DTNBP1: variants seen among roughly 807,000 people sequenced by gnomAD.
DTNBP1 encodes the protein dystrobrevin binding protein 1.
In DTNBP1, 35 loss-of-function variants were observed where a neutral mutation model predicts 42.8. That is an observed-to-expected ratio of 0.82 (90% confidence interval 0.63 to 1.09). The LOEUF (loss-of-function observed/expected upper bound fraction) is 1.09. Ranked by LOEUF, DTNBP1 falls within the 50% of genes least tolerant of loss-of-function variation. The pLI is 0.00. For synonymous variants in DTNBP1, 171 were observed against 162.2 expected, an observed-to-expected ratio of 1.05 and a Z score of -0.41; for missense variants, 457 against 424.2, an observed-to-expected ratio of 1.08 and a Z score of -0.68.
chr6:15,605,304 T>C (rs934477417), intron 6 of DTNBP1, among the ~76,000 whole-genome samples: 6 of 152,226 alleles, frequency 3.9e-5, no homozygotes, highest in African/African-American at 1.4e-4. Flanking sequence ...TGAGATTCTA[T>C]ACTTCCATTT....
intron 4 of DTNBP1, among the ~76,000 whole-genome samples, chr6:15,636,443 G>C (rs1760027322): frequency 2.0e-5 from 3 of 152,098 alleles, no homozygotes; most frequent in Non-Finnish European, 2.9e-5. Flanking sequence ...GAGCCACCGT[G>C]CCCAGCCAAC....
intron 7 of DTNBP1, among the ~76,000 whole-genome samples, chr6:15,543,018 A>G (rs1474824873): frequency 6.6e-6 from 1 of 152,122 alleles, no homozygotes; most frequent in African/African-American, 2.4e-5. Context: ...TTTATTTAAT[A>G]GGGTATTTTT....
Position 15,629,246 on chromosome 6 carries a change from C to A in DTNBP1, c.223-1771G>T, listed in dbSNP as rs1371092942. 2.6e-5 allele frequency among the ~76,000 whole-genome samples: 4 copies of A among 152,188 alleles called. No homozygotes were observed. In the East Asian group the frequency reaches 7.7e-4, roughly 29 times the overall value. On this transcript the variant is annotated intron_variant, in intron 4 of 9. Transcript: ENST00000344537. ...GATACTGAAGATGTAATGATTCCTG[C>A]CCTCTTATTGTTTATACTTCAGTGG...
chr6:15,630,373 G>A lies in DTNBP1; in HGVS notation c.223-2898C>T, dbSNP rs367758377. On this transcript the variant is annotated intron_variant, in intron 4 of 9. Transcript: ENST00000344537. ...CAGAAACCAGGATTTCCAACACTAC[G>A]TTCAGTTCACTTTCTGACAGTGAAA... Among the ~76,000 whole-genome samples the A allele has an allele frequency of 1.1e-4, 16 of 152,272 alleles. No homozygotes were observed. In the East Asian group the frequency reaches 2.3e-3, roughly 22 times the overall value.
At chr6:15,612,301 C>T (rs1458927552) in intron 6 of DTNBP1, among the ~76,000 whole-genome samples, 1 of 151,992 alleles carries the variant, frequency 6.6e-6, no homozygotes, top group Non-Finnish European at 1.5e-5. Flanking sequence ...AATGCTAGTG[C>T]ACATTTAATA....
intron 7 of DTNBP1, among the ~76,000 whole-genome samples, chr6:15,566,936 C>T (rs1490174007): frequency 3.9e-5 from 6 of 152,122 alleles, no homozygotes; most frequent in Admixed American, 6.5e-5. Flanking sequence ...GGTGATTCGC[C>T]GGCCTCAGCC....
chr6:15,589,441 C>T (rs1368484455), intron 7 of DTNBP1, among the ~76,000 whole-genome samples: 1 of 152,192 alleles, frequency 6.6e-6, no homozygotes, highest in African/African-American at 2.4e-5. Context: ...TCTGGTCAGG[C>T]CTCCCCTCTC....
intron 7 of DTNBP1, among the ~76,000 whole-genome samples, chr6:15,547,480 T>C (rs1773949184): frequency 6.6e-6 from 1 of 152,232 alleles, no homozygotes; most frequent in Non-Finnish European, 1.5e-5. Flanking sequence ...TTTGACCTTG[T>C]ATAAATATTT....
intron 2 of DTNBP1, 154 bp from the exon 3 acceptor site, chr6:15,651,517 CAG>C (rs1326910637): frequency 3.8e-6 from 4 of 1,063,034 alleles, no homozygotes; most frequent in Admixed American, 2.2e-5. Flanking sequence ...TGTTTTATTT[CAG>C]AGTTAATGTA....
intron 1 of DTNBP1, among the ~76,000 whole-genome samples, chr6:15,653,513 A>T (rs2113814494): frequency 6.6e-6 from 1 of 152,342 alleles, no homozygotes; most frequent in African/African-American, 2.4e-5. Flanking sequence ...TGGAAAACAG[A>T]TAAATGGGCT....
chr6:15,537,428 CAAA>C (rs35563702), intron 7 of DTNBP1, among the ~76,000 whole-genome samples: 1 of 124,792 alleles, frequency 8.0e-6, no homozygotes, highest in Admixed American at 8.1e-5. Flanking sequence ...GACTGCATCT[CAAA>C]AAAAAAAAAA....
At chr6:15,646,136 C>T (rs1468381105) in intron 3 of DTNBP1, among the ~76,000 whole-genome samples, 2 of 151,632 alleles carry the variant, frequency 1.3e-5, no homozygotes, top group Non-Finnish European at 3.0e-5. Context: ...ACAGCATCAA[C>T]TCATTTGAGA....
intron 8 of DTNBP1, among the ~76,000 whole-genome samples, chr6:15,526,200 T>C (rs560481668): frequency 3.7e-4 from 57 of 152,334 alleles, no homozygotes; most frequent in African/African-American, 1.3e-3. Flanking sequence ...ATTATGAGCC[T>C]GCTCTCGCTA....
At chr6:15,643,002 A>T (rs890999100) in intron 3 of DTNBP1, among the ~76,000 whole-genome samples, 2 of 152,254 alleles carry the variant, frequency 1.3e-5, no homozygotes, top group Admixed American at 1.3e-4. Context: ...AGAATAAAAA[A>T]TACGTATTGC....
rs199770715 is a variant in DTNBP1 at position 15,593,088 on chromosome 6, GAA to G, written c.489-9_489-8del. 6,294 of 1,300,018 alleles carry G rather than the reference GAA, an allele frequency of 4.8e-3. No homozygotes were observed. Among genetic ancestry groups the G allele is most frequent in the Admixed American group, 0.012 (481 of 41,100 alleles). 80.5% of individuals were successfully genotyped at this position (1,300,018 alleles called of 1,614,324 possible). On this transcript the variant is annotated splice_region_variant and splice_polypyrimidine_tract_variant and intron_variant, in intron 6 of 9. Coordinates refer to ENST00000344537, the MANE Select transcript of DTNBP1 (RefSeq NM_032122.5). The stretch of plus-strand genomic sequence containing the variant: ...GAAGGTTTCAAGTTCCTTCCTGTAG[GAA>G]AAAAAAAAAAAAGACAAGACAATGC...
chr6:15,630,651 C>T lies in DTNBP1; in HGVS notation c.223-3176G>A, dbSNP rs374791746. Among the ~76,000 whole-genome samples the T allele has an allele frequency of 3.9e-5, 6 of 152,328 alleles. No individual in the cohort carries two copies. In the East Asian group the frequency reaches 1.2e-3, roughly 29 times the overall value. ...AGCCTAGACAGGCTGGGTGCGGTGG[C>T]TCACGCCTGTAATCCCAGCACTTTG... On this transcript the variant is annotated intron_variant, in intron 4 of 9. Transcript: ENST00000344537.
intron 9 of DTNBP1, chr6:15,523,912 G>T (rs1189426769): frequency 1.6e-6 from 2 of 1,287,204 alleles, no homozygotes; most frequent in Admixed American, 2.3e-5. Flanking sequence ...CTGAGGTGCT[G>T]CTGGGACGAC....
intron 6 of DTNBP1, among the ~76,000 whole-genome samples, chr6:15,594,699 T>C (rs1016394840): frequency 6.6e-6 from 1 of 151,990 alleles, no homozygotes; most frequent in African/African-American, 2.4e-5. Context: ...CATCCTCACA[T>C]TAGCAATTCC....
At chr6:15,611,677 G>A (rs1425600149) in intron 6 of DTNBP1, among the ~76,000 whole-genome samples, 1 of 152,154 alleles carries the variant, frequency 6.6e-6, no homozygotes, top group African/African-American at 2.4e-5. Flanking sequence ...TTGAAGAAGT[G>A]GATTCCAACC....
Sources: gnomAD v4.1 joint callset for allele counts (sites outside exome capture counted in the v4.1 genomes callset) on GRCh38, gnomAD v4.1.1 for gene constraint, MANE v1.5 for transcripts, NCBI Gene and HGNC (gene_info 2026-07-23, HGNC 2026-07-21) for gene names.